The following GFOD1 variants were observed in gnomAD, a reference collection of about 807,000 sequenced individuals.
The protein encoded by GFOD1 is glucose-fructose oxidoreductase domain-containing protein 1.
GFOD1 carries 9 observed loss-of-function variants against 25.4 expected under a neutral mutation model. The observed-to-expected ratio is 0.35, with a 90% CI of 0.21 to 0.62. The LOEUF (loss-of-function observed/expected upper bound fraction) is 0.62, where lower values mean the gene tolerates loss of function less well. Ranked by LOEUF, GFOD1 falls within the 20% of genes least tolerant of loss-of-function variation. The pLI is 0.72. For missense variants in GFOD1, 403 were observed against 556.9 expected, an observed-to-expected ratio of 0.72 and a Z score of 2.78; for synonymous variants, 253 against 245.6, an observed-to-expected ratio of 1.03 and a Z score of -0.28.
intron 1 of GFOD1, among the ~76,000 whole-genome samples, chr6:13,394,959 A>G (rs821298): frequency 6.6e-6 from 1 of 151,906 alleles, no homozygotes; most frequent in Non-Finnish European, 1.5e-5. Flanking sequence ...TTTTTAAAAA[A>G]TTTTGTAGAG....
At chr6:13,408,192 G>T in intron 1 of GFOD1, 1 of 650,436 alleles carries the variant, frequency 1.5e-6, no homozygotes, top group Non-Finnish European at 1.9e-6. Flanking sequence ...GAACACAATT[G>T]AATGTGGCCT....
chr6:13,382,256 G>T (rs1785381041), intron 1 of GFOD1, among the ~76,000 whole-genome samples: 1 of 151,990 alleles, frequency 6.6e-6, no homozygotes, highest in South Asian at 2.1e-4. Flanking sequence ...GATATGGTCT[G>T]GCTGTGTCCC....
At chr6:13,458,924 G>A (rs1758241649) in intron 1 of GFOD1, among the ~76,000 whole-genome samples, 1 of 152,168 alleles carries the variant, frequency 6.6e-6, no homozygotes, top group African/African-American at 2.4e-5. Flanking sequence ...AAGGCAGGTG[G>A]ACAGCAAGAA....
intron 1 of GFOD1, among the ~76,000 whole-genome samples, chr6:13,456,294 C>T (rs888353567): frequency 6.6e-6 from 1 of 152,158 alleles, no homozygotes; most frequent in Admixed American, 6.5e-5. Flanking sequence ...CCCATCTCAG[C>T]CTCCTGAGTA....
intron 1 of GFOD1, among the ~76,000 whole-genome samples, chr6:13,366,524 T>C (rs1053346604): frequency 6.6e-6 from 1 of 152,070 alleles, no homozygotes; most frequent in Non-Finnish European, 1.5e-5. Context: ...TTAGTAGAGA[T>C]GGGGTTTCAC....
At chr6:13,379,087 C>T (rs1410332417) in intron 1 of GFOD1, among the ~76,000 whole-genome samples, 1 of 152,236 alleles carries the variant, frequency 6.6e-6, no homozygotes. Context: ...CCTGCACCAG[C>T]TCCAATGGTA....
chr6:13,433,287 T>C (rs936253653), intron 1 of GFOD1, among the ~76,000 whole-genome samples: 4 of 152,062 alleles, frequency 2.6e-5, no homozygotes, highest in African/African-American at 9.7e-5. Flanking sequence ...GCCTGGCTAA[T>C]TGTTTGTATT....
intron 1 of GFOD1, among the ~76,000 whole-genome samples, chr6:13,449,376 T>A (rs1411559772): frequency 6.6e-6 from 1 of 152,196 alleles, no homozygotes; most frequent in African/African-American, 2.4e-5. Flanking sequence ...TACTCTCCTC[T>A]CCTTAGTTAC....
chr6:13,409,117 GAAA>G (rs1562209282), intron 1 of GFOD1, among the ~76,000 whole-genome samples: 3 of 65,834 alleles, frequency 4.6e-5, no homozygotes, highest in African/African-American at 1.2e-4. Context: ...AAGAAAGAAA[GAAA>G]GAAAGAAAGA....
intron 1 of GFOD1, among the ~76,000 whole-genome samples, chr6:13,457,784 G>C (rs1430656134): frequency 6.6e-6 from 1 of 152,210 alleles, no homozygotes; most frequent in Non-Finnish European, 1.5e-5. Context: ...CAAGAAAAAT[G>C]AACTTGGGGG....
At chr6:13,390,791 G>GGAAGGAAGGAAGGAA (rs1491494134) in intron 1 of GFOD1, among the ~76,000 whole-genome samples, 4 of 146,796 alleles carry the variant, frequency 2.7e-5, no homozygotes, top group Admixed American at 6.8e-5. Flanking sequence ...AAGGAAGGAA[G>GGAAGGAAGGAAGGAA]GAAGGAAGGA....
intron 1 of GFOD1, among the ~76,000 whole-genome samples, chr6:13,480,068 CT>C (rs1461462252): frequency 6.6e-6 from 1 of 152,174 alleles, no homozygotes; most frequent in Non-Finnish European, 1.5e-5. Context: ...GCTCCCTCAC[CT>C]CTGTTCCTGG....
chr6:13,379,662 C>T (rs61510457), intron 1 of GFOD1, among the ~76,000 whole-genome samples: 4,130 of 152,310 alleles, frequency 0.027, 149 homozygotes, highest in African/African-American at 0.087. Flanking sequence ...CATACATTTC[C>T]GTGAGGAACT....
At chr6:13,420,878 G>T (rs1192406161) in intron 1 of GFOD1, among the ~76,000 whole-genome samples, 1 of 152,146 alleles carries the variant, frequency 6.6e-6, no homozygotes. Flanking sequence ...TCCATGCCCA[G>T]TAATTGTACA....
At chr6:13,469,932 T>C in intron 1 of GFOD1, 1 of 1,304,946 alleles carries the variant, frequency 7.7e-7, no homozygotes, top group Non-Finnish European at 1.0e-6. Flanking sequence ...TTCTCTTCTC[T>C]TTCCAAAAGT....
intron 1 of GFOD1, among the ~76,000 whole-genome samples, chr6:13,468,243 C>T (rs1398088183): frequency 3.3e-5 from 5 of 152,020 alleles, no homozygotes; most frequent in Admixed American, 2.6e-4. Context: ...TATACAAATG[C>T]TTCTGTGTCC....
Position 13,413,172 on chromosome 6 carries a change from C to G in GFOD1, c.254-47510G>C, listed in dbSNP as rs528314230. Among the ~76,000 whole-genome samples, 10 of 152,326 alleles carry G rather than the reference C, an allele frequency of 6.6e-5. No individual in the cohort carries two copies. The South Asian group carries it at 1.9e-3, about 28-fold the overall frequency. On this transcript the variant is annotated intron_variant, in intron 1 of 1. Coordinates refer to ENST00000379287, the MANE Select transcript of GFOD1 (RefSeq NM_018988.4). ...TTGCCCTCTTTTTTCAGTTACCAGC[C>G]ACACAATTTGTCACTGCATCTGCCC...
chr6:13,377,465 C>G lies in GFOD1; in HGVS notation c.254-11803G>C, dbSNP rs185980834. On this transcript the variant is annotated intron_variant, in intron 1 of 1. Coordinates refer to ENST00000379287, the MANE Select transcript of GFOD1 (RefSeq NM_018988.4). ...ACTGAGGTCCCCATCTCCTTGCTGG[C>G]TGTCAGCTTCTACAGAGCCCACTTT... Among the ~76,000 whole-genome samples, 25 of 152,288 alleles carry G rather than the reference C, an allele frequency of 1.6e-4. No individual in the cohort carries two copies. In the East Asian group the frequency reaches 4.2e-3, roughly 26 times the overall value.
rs1382502138 is a variant in GFOD1 at position 13,430,895 on chromosome 6, C to A, written c.253+55743G>T. Among the ~76,000 whole-genome samples, 1 of 152,176 alleles carries A rather than the reference C, an allele frequency of 6.6e-6. No homozygotes were observed. Among genetic ancestry groups the A allele is most frequent in the South Asian group, 2.1e-4 (1 of 4,824 alleles). On this transcript the variant is annotated intron_variant, in intron 1 of 1. Transcript: ENST00000379287. This position sits in a 1 kb window ranked among gnomAD's most constrained non-coding sequence, Gnocchi z 4.1. ...CTCCATCTCCAACTTTTCAGGTAAC[C>A]TTCTCCTGCCCTCTCTACAGTCCAG...
Sources: allele counts gnomAD v4.1 joint callset (sites outside exome capture counted in the v4.1 genomes callset), GRCh38; gene constraint gnomAD v4.1.1; non-coding constraint Gnocchi (gnomAD v3.1); transcripts MANE v1.5; gene names NCBI Gene and HGNC (gene_info 2026-07-23, HGNC 2026-07-21).